The following MACF1 variants were observed in gnomAD, a reference collection of about 807,000 sequenced individuals.
MACF1 encodes the protein microtubule actin crosslinking factor 1.
In MACF1, 193 loss-of-function variants were observed where a neutral mutation model predicts 854.8. The ratio of observed to expected loss-of-function variants is 0.23; its 90% CI spans 0.20 to 0.25. The LOEUF is 0.25. MACF1 is among the 10% of genes least tolerant of loss of function. The probability of loss-of-function intolerance (pLI) is 1.00; values close to 1 mark genes in which losing one functional copy is unlikely to be tolerated. For missense variants in MACF1, 7,722 were observed against 8,929.1 expected, an observed-to-expected ratio of 0.86 and a Z score of 5.45; for synonymous variants, 3,185 against 3,226.7, an observed-to-expected ratio of 0.99 and a Z score of 0.44.
chr1:39,402,395 A>G (rs1642513348), intron 58 of MACF1, among the ~76,000 whole-genome samples: 1 of 152,142 alleles, frequency 6.6e-6, no homozygotes, highest in Non-Finnish European at 1.5e-5. Flanking sequence ...CCCATGACCC[A>G]TGTTCTCATA....
In MACF1 at chr1:39,284,051, A is replaced by C; in HGVS notation, c.916-15A>C. The C allele has an allele frequency of 6.2e-7, 1 of 1,612,858 alleles. No individual in the cohort carries two copies. Among genetic ancestry groups the C allele is most frequent in the Non-Finnish European group, 8.5e-7 (1 of 1,179,586 alleles). Reference sequence around the variant, plus strand: ...ATTGCTAATCAGGTGTGTGATGTTTACCTTCTGGCAATAGGAAGTGGACTC... The same window carrying C: ...ATTGCTAATCAGGTGTGTGATGTTTCCCTTCTGGCAATAGGAAGTGGACTC... On this transcript the variant is annotated splice_polypyrimidine_tract_variant and intron_variant, in intron 9 of 100. Coordinates refer to ENST00000564288, the MANE Select transcript of MACF1 (RefSeq NM_001394062.1).
intron 2 of MACF1, among the ~76,000 whole-genome samples, chr1:39,158,189 A>C (rs772192143): frequency 4.6e-5 from 7 of 152,184 alleles, no homozygotes; most frequent in Non-Finnish European, 1.0e-4. Context: ...CCCCGAAACA[A>C]ATCAGAGTGA....
intron 2 of MACF1, among the ~76,000 whole-genome samples, chr1:39,181,265 G>A (rs1557502201): frequency 6.6e-6 from 1 of 152,160 alleles, no homozygotes. Flanking sequence ...CAAATCAGGG[G>A]TCTCCAGTGT....
At chr1:39,154,905 C>T (rs1320016083) in intron 2 of MACF1, among the ~76,000 whole-genome samples, 1 of 152,108 alleles carries the variant, frequency 6.6e-6, no homozygotes. Context: ...GCTTTGTCAG[C>T]AGCTGGCCAG....
chr1:39,396,806 C>T (rs1400465232), intron 58 of MACF1, among the ~76,000 whole-genome samples: 1 of 152,176 alleles, frequency 6.6e-6, no homozygotes, highest in Admixed American at 6.5e-5. Flanking sequence ...ACCAAACCAT[C>T]ACTGTAAAGG....
Position 39,105,148 on chromosome 1 carries a change from C to T in MACF1, c.220+20710C>T, listed in dbSNP as rs1004154114. Among the ~76,000 whole-genome samples, 3 of 151,962 alleles carry T rather than the reference C, an allele frequency of 2.0e-5. No individual in the cohort carries two copies. Among genetic ancestry groups the T allele is most frequent in the African/African-American group, 4.8e-5 (2 of 41,426 alleles). On this transcript the variant is annotated intron_variant, in intron 2 of 93. Transcript: ENST00000361689. This position sits in a 1 kb window ranked among gnomAD's most constrained non-coding sequence, Gnocchi z 5.9. ...TCCCGCGTGGGCCGGCCTCTCGCGC[C>T]CCTCGGCTCGGGCCCCAGTCCGGGC...
In MACF1 at chr1:39,105,337, C is replaced by T. The variant is rs939440835; in HGVS notation, c.220+20899C>T. The stretch of plus-strand genomic sequence containing the variant: ...GACAGGAGGAGCCGCCGCCGCCGCC[C>T]GCCGCTGCAGCCGCGCCGGGGCGGG... On this transcript the variant is annotated intron_variant, in intron 2 of 93. Transcript: ENST00000361689. The surrounding 1 kb of genome is among the most constrained non-coding windows in gnomAD (Gnocchi z 5.9). 39 of 921,554 alleles carry T rather than the reference C, an allele frequency of 4.2e-5. No individual in the cohort carries two copies. Among genetic ancestry groups the T allele is most frequent in the Non-Finnish European group, 4.5e-5 (35 of 772,534 alleles). The allele number at this position is 921,554 out of a possible 1,614,324, so 57.1% of individuals were successfully genotyped here. A position where few individuals can be genotyped will look rare whatever the true frequency, so the allele number is the denominator to read the frequency against.
rs1258054136 is a variant in MACF1 at position 39,448,771 on chromosome 1, T to TG, written c.20258+9dup. On this transcript the variant is annotated intron_variant, in intron 84 of 100. Coordinates refer to ENST00000564288, the MANE Select transcript of MACF1 (RefSeq NM_001394062.1). The stretch of plus-strand genomic sequence containing the variant: ...TGGCAAGTCTGTGGAGCGGTGAGCA[T>TG]GAATGTCCCCTTCAGGGGTCTAACC... 1 of 1,601,586 alleles carries TG rather than the reference T, an allele frequency of 6.2e-7. No individual in the cohort carries two copies. Among genetic ancestry groups the TG allele is most frequent in the Admixed American group, 1.7e-5 (1 of 58,786 alleles).
At chr1:39,261,772 CTGTG>C (rs2148346833) in intron 6 of MACF1, among the ~76,000 whole-genome samples, 1 of 152,216 alleles carries the variant, frequency 6.6e-6, no homozygotes, top group South Asian at 2.1e-4. Context: ...GCATACCAGT[CTGTG>C]TGGGTTTATG....
At chr1:39,421,745 G>A (rs866534595) in intron 58 of MACF1, among the ~76,000 whole-genome samples, 14 of 152,154 alleles carry the variant, frequency 9.2e-5, no homozygotes, top group African/African-American at 3.1e-4. Flanking sequence ...TTTCGAGGTT[G>A]ATGCTTTTCT....
intron 97 of MACF1, among the ~76,000 whole-genome samples, chr1:39,474,597 G>A (rs895508743): frequency 6.6e-6 from 1 of 152,124 alleles, no homozygotes; most frequent in Admixed American, 6.5e-5. Context: ...GAGAGACTGA[G>A]GCAGCAGAAT....
At chr1:39,288,496 TAAA>T (rs150854643) in intron 15 of MACF1, among the ~76,000 whole-genome samples, 4 of 125,556 alleles carry the variant, frequency 3.2e-5, no homozygotes, top group Admixed American at 8.2e-5. Context: ...AGACTCCATC[TAAA>T]AAAAAAAAAA....
At chr1:39,327,179 T>C in intron 35 of MACF1, 39 bp from the exon 36 acceptor site, 1 of 1,518,164 alleles carries the variant, frequency 6.6e-7, no homozygotes, top group Non-Finnish European at 8.9e-7. Flanking sequence ...GAGATTGTTT[T>C]TTTTTCTCCT....
At chr1:39,184,082 A>G (rs991915489) in intron 2 of MACF1, among the ~76,000 whole-genome samples, 6 of 152,220 alleles carry the variant, frequency 3.9e-5, no homozygotes, top group Non-Finnish European at 5.9e-5. Flanking sequence ...ACCAGCATAA[A>G]TCACAGGAAA....
chr1:39,325,051 A>T (rs78389073), intron 35 of MACF1, among the ~76,000 whole-genome samples: 8,479 of 152,294 alleles, frequency 0.056, 304 homozygotes, highest in African/African-American at 0.098. Context: ...CGAGGAATGG[A>T]AACAAAGAGA....
At chr1:39,349,151 CAT>C (rs1408246595) in intron 41 of MACF1, among the ~76,000 whole-genome samples, 1 of 152,114 alleles carries the variant, frequency 6.6e-6, no homozygotes, top group Admixed American at 6.6e-5. Context: ...TCACCATTAT[CAT>C]GTGTGGATTT....
chr1:39,108,341 G>T (rs999717858), intron 2 of MACF1, among the ~76,000 whole-genome samples: 4 of 151,988 alleles, frequency 2.6e-5, no homozygotes, highest in African/African-American at 9.7e-5. Flanking sequence ...ATGAGATCTG[G>T]TTCCTGCCCT....
At position 39,335,072 on chromosome 1, in the gene MACF1, G is replaced by T. The variant is rs759629644; in HGVS notation, c.8484G>T (p.Val2828=). The change falls in exon 37 of 101, where the codon GTG becomes GTT. Residue 2828 remains valine (V), a synonymous_variant. Transcript: ENST00000564288. The part of the protein sequence containing the change: ...ENQSAQEKVK[V]RVSDGEQAKK... ...AGTCTGCACAAGAAAAGGTTAAAGT[G>T]AGAGTTTCTGATGGGGAGCAGGCAA... 1 of 1,614,072 alleles carries T rather than the reference G, an allele frequency of 6.2e-7. No individual in the cohort carries two copies. The highest frequency in any genetic ancestry group is 1.1e-5 in the South Asian group (1 of 91,066).
In MACF1 at chr1:39,357,875, C is replaced by T. The variant is rs2148512674; in HGVS notation, c.11925C>T (p.Tyr3975=). Residue 3975 remains tyrosine (Y), a synonymous_variant, in exon 45 of 101, where the codon TAC becomes TAT. Coordinates refer to ENST00000564288, the MANE Select transcript of MACF1 (RefSeq NM_001394062.1). ...KDKLKDATER[Y]TALHSKCTRL... ...AGTTGAAGGATGCAACAGAAAGATA[C>T]ACTGCTCTCCACTCAAAGGTAAGGG... 1 of 1,610,640 alleles carries T rather than the reference C, an allele frequency of 6.2e-7. No individual in the cohort carries two copies. The highest frequency in any genetic ancestry group is 2.2e-5 in the East Asian group (1 of 44,868).
Sources: allele counts gnomAD v4.1 joint callset (sites outside exome capture counted in the v4.1 genomes callset), GRCh38; gene constraint gnomAD v4.1.1; non-coding constraint Gnocchi (gnomAD v3.1); transcripts MANE v1.5; gene names NCBI Gene and HGNC (gene_info 2026-07-23, HGNC 2026-07-21).